The following RANBP2 variants were observed in gnomAD, a reference collection of about 807,000 sequenced individuals.
RANBP2 encodes the protein RAN binding protein 2, also known as E3 SUMO-protein ligase RanBP2.
RANBP2 carries 57 observed loss-of-function variants against 303.6 expected under a neutral mutation model. The observed-to-expected ratio is 0.19, with a 90% CI of 0.15 to 0.23. The LOEUF (loss-of-function observed/expected upper bound fraction) is 0.23, where lower values mean the gene tolerates loss of function less well. RANBP2 is among the 10% of genes least tolerant of loss of function. The pLI, the probability that RANBP2 is intolerant of heterozygous loss-of-function variation, is 1.00. For missense variants in RANBP2, 3,138 were observed against 3,780.8 expected, an observed-to-expected ratio of 0.83 and a Z score of 4.46; for synonymous variants, 1,167 against 1,301.5, an observed-to-expected ratio of 0.90 and a Z score of 2.23.
chr2:109,023,271 C>T, the RANBP2 span, among the ~76,000 whole-genome samples: 2 of 152,148 alleles, frequency 1.3e-5, no homozygotes, highest in South Asian at 4.1e-4. Context: ...ACTACTGTCT[C>T]CTGCAGTAAA....
the RANBP2 span, among the ~76,000 whole-genome samples, chr2:109,225,549 G>A: frequency 1.3e-5 from 2 of 152,254 alleles, no homozygotes; most frequent in Non-Finnish European, 2.9e-5. Flanking sequence ...CTGAGAGTTA[G>A]GCCAGGGAAT....
chr2:108,752,495 G>A (rs111704902), intron 12 of RANBP2, among the ~76,000 whole-genome samples: 7 of 151,540 alleles, frequency 4.6e-5, no homozygotes, highest in Admixed American at 1.3e-4. Flanking sequence ...TGTAGAGGCC[G>A]GGTGCGGTGG....
chr2:109,146,284 G>A, the RANBP2 span, among the ~76,000 whole-genome samples: 1 of 152,190 alleles, frequency 6.6e-6, no homozygotes, highest in Non-Finnish European at 1.5e-5. Context: ...CATCAGTAAA[G>A]GTCCCTGAAA....
chr2:109,497,572 G>A, the RANBP2 span, among the ~76,000 whole-genome samples: 1 of 152,198 alleles, frequency 6.6e-6, no homozygotes, highest in Admixed American at 6.5e-5. Flanking sequence ...GCACAGTTGT[G>A]ACCTGGGAGT....
chr2:108,891,294 T>G, the RANBP2 span, among the ~76,000 whole-genome samples: 1 of 152,234 alleles, frequency 6.6e-6, no homozygotes, highest in Non-Finnish European at 1.5e-5. Flanking sequence ...AACTGTTGCT[T>G]CTTCTTGTTT....
chr2:109,173,508 G>A, the RANBP2 span, among the ~76,000 whole-genome samples: 1 of 152,166 alleles, frequency 6.6e-6, no homozygotes, highest in Non-Finnish European at 1.5e-5. Context: ...TTGGCACACT[G>A]CCTGCAGGCT....
At chr2:109,139,611 T>C in the RANBP2 span, among the ~76,000 whole-genome samples, 2 of 152,230 alleles carry the variant, frequency 1.3e-5, no homozygotes, top group Non-Finnish European at 2.9e-5. Flanking sequence ...ATCTGCTGTC[T>C]CGGTTTGACA....
the RANBP2 span, chr2:109,127,564 G>T: frequency 6.6e-6 from 1 of 152,218 alleles, no homozygotes; most frequent in Non-Finnish European, 1.5e-5. Flanking sequence ...ATTATCACAG[G>T]TTGGGCACCG....
chr2:108,888,129 T>G, the RANBP2 span, among the ~76,000 whole-genome samples: 7 of 152,158 alleles, frequency 4.6e-5, no homozygotes, highest in African/African-American at 1.7e-4. Context: ...GATCATATGG[T>G]TTTTTTCCTT....
At chr2:109,495,688 C>T in the RANBP2 span, among the ~76,000 whole-genome samples, 4 of 151,918 alleles carry the variant, frequency 2.6e-5, no homozygotes, top group South Asian at 4.2e-4. Context: ...GACGGGGTTT[C>T]GCCATGTTAG....
the RANBP2 span, among the ~76,000 whole-genome samples, chr2:109,609,501 G>A: frequency 6.6e-6 from 1 of 151,778 alleles, no homozygotes; most frequent in African/African-American, 2.4e-5. Flanking sequence ...CTGGCTGCCA[G>A]GGGCTGGGGT....
At chr2:108,720,689 T>A (rs919715884) in intron 1 of RANBP2, among the ~76,000 whole-genome samples, 2 of 152,196 alleles carry the variant, frequency 1.3e-5, no homozygotes, top group Non-Finnish European at 2.9e-5. Context: ...TTTTAAACAT[T>A]TAGGGTATTG....
the RANBP2 span, among the ~76,000 whole-genome samples, chr2:109,125,591 C>T: frequency 6.6e-6 from 1 of 152,214 alleles, no homozygotes; most frequent in Non-Finnish European, 1.5e-5. Flanking sequence ...GACCACCCCC[C>T]ACCTTAACTT....
At chr2:108,941,843 C>G in the RANBP2 span, among the ~76,000 whole-genome samples, 15 of 152,326 alleles carry the variant, frequency 9.8e-5, no homozygotes, top group Non-Finnish European at 2.1e-4. Flanking sequence ...GTCCCAGCAG[C>G]CTCTTCCCAG....
At chr2:108,885,369 T>C in the RANBP2 span, 1 of 152,258 alleles carries the variant, frequency 6.6e-6, no homozygotes, top group African/African-American at 2.4e-5. Flanking sequence ...TTGAGATGAT[T>C]GTTATTTCAT....
the RANBP2 span, among the ~76,000 whole-genome samples, chr2:109,336,505 C>T: frequency 2.0e-5 from 3 of 152,118 alleles, no homozygotes; most frequent in Non-Finnish European, 2.9e-5. Context: ...GCTGAGGACT[C>T]GCTGTGAGGC....
intron 20 of RANBP2, among the ~76,000 whole-genome samples, chr2:108,770,276 A>C (rs1479046860): frequency 6.6e-6 from 1 of 152,192 alleles, no homozygotes; most frequent in Non-Finnish European, 1.5e-5. Flanking sequence ...GTCTTTACTG[A>C]GTAATAGCAG....
chr2:108,962,320 T>C, the RANBP2 span, among the ~76,000 whole-genome samples: 1 of 152,018 alleles, frequency 6.6e-6, no homozygotes, highest in African/African-American at 2.4e-5. Flanking sequence ...GGTAATGAAA[T>C]GGAGGATTAA....
the RANBP2 span, among the ~76,000 whole-genome samples, chr2:109,441,595 C>G: frequency 6.6e-6 from 1 of 152,110 alleles, no homozygotes; most frequent in Non-Finnish European, 1.5e-5. Flanking sequence ...TTGGAGGTCT[C>G]CAATGTAGAG....
Sources: allele counts gnomAD v4.1 joint callset (sites outside exome capture counted in the v4.1 genomes callset), GRCh38; gene constraint gnomAD v4.1.1; transcripts MANE v1.5; gene names NCBI Gene and HGNC (gene_info 2026-07-23, HGNC 2026-07-21).